MAST4: variants seen among roughly 807,000 people sequenced by gnomAD.
The protein encoded by MAST4 is microtubule-associated serine/threonine-protein kinase 4.
Under a neutral mutation model 162.7 loss-of-function variants are expected in MAST4, and 89 were observed. The ratio of observed to expected loss-of-function variants is 0.55; its 90% CI spans 0.46 to 0.65. MAST4 has a LOEUF of 0.65. MAST4 is among the 30% of genes least tolerant of loss of function. The pLI is 0.00. For synonymous variants in MAST4, 1,479 were observed against 1,361.1 expected (o/e 1.09, Z -1.91); for missense variants, 3,153 against 3,374.0 (o/e 0.93, Z 1.62).
intron 4 of MAST4, among the ~76,000 whole-genome samples, chr5:66,936,115 A>G (rs7722882): frequency 0.068 from 10,335 of 152,244 alleles, 406 homozygotes; most frequent in African/African-American, 0.099. Flanking sequence ...CTTCTTTGAC[A>G]GTTCCCCTAT....
intron 5 of MAST4, among the ~76,000 whole-genome samples, chr5:67,060,462 T>C (rs1175410460): frequency 6.7e-6 from 1 of 149,784 alleles, no homozygotes; most frequent in Non-Finnish European, 1.5e-5. Flanking sequence ...GAGATACTCC[T>C]GGGAGTATCA....
At chr5:66,829,997 A>G (rs912926688) in intron 3 of MAST4, among the ~76,000 whole-genome samples, 1 of 152,178 alleles carries the variant, frequency 6.6e-6, no homozygotes, top group Non-Finnish European at 1.5e-5. Flanking sequence ...TTTTGAATGC[A>G]CAGTGTGGTT....
At chr5:66,605,679 C>T (rs1742837243) in intron 1 of MAST4, among the ~76,000 whole-genome samples, 1 of 152,128 alleles carries the variant, frequency 6.6e-6, no homozygotes, top group South Asian at 2.1e-4. Flanking sequence ...GGGAGTGGGA[C>T]AGTCCCCAAA....
chr5:66,916,170 A>G (rs548906629), intron 4 of MAST4, among the ~76,000 whole-genome samples: 1 of 152,358 alleles, frequency 6.6e-6, no homozygotes, highest in African/African-American at 2.4e-5. Context: ...GTTTCTTTAA[A>G]AATAATTTTA....
chr5:66,748,430 T>TCCCC (rs1752909763), intron 1 of MAST4, among the ~76,000 whole-genome samples: 1 of 107,538 alleles, frequency 9.3e-6, no homozygotes, highest in Non-Finnish European at 1.9e-5. Flanking sequence ...CCTTCCTCCC[T>TCCCC]CCCTCCCTCC....
At chr5:66,666,370 A>G (rs1234108906) in intron 1 of MAST4, among the ~76,000 whole-genome samples, 1 of 152,190 alleles carries the variant, frequency 6.6e-6, no homozygotes, top group East Asian at 1.9e-4. Flanking sequence ...CCCATGTCAT[A>G]TCTGGTCATC....
At chr5:67,096,666 T>C (rs1260094946) in intron 7 of MAST4, among the ~76,000 whole-genome samples, 2 of 152,202 alleles carry the variant, frequency 1.3e-5, no homozygotes, top group Non-Finnish European at 2.9e-5. Flanking sequence ...ATTTCCAGAA[T>C]TCCAAGTATA....
At chr5:67,013,004 T>C (rs1442292247) in intron 4 of MAST4, among the ~76,000 whole-genome samples, 10 of 152,092 alleles carry the variant, frequency 6.6e-5, no homozygotes, top group African/African-American at 2.4e-4. Flanking sequence ...TAGGCAGTCA[T>C]TACTGTATAT....
intron 1 of MAST4, among the ~76,000 whole-genome samples, chr5:66,674,455 G>A (rs1403902788): frequency 6.6e-6 from 1 of 152,188 alleles, no homozygotes; most frequent in Non-Finnish European, 1.5e-5. Flanking sequence ...TACATTTCTT[G>A]TTTGTTTTTG....
chr5:66,783,057 T>C (rs955657537), intron 2 of MAST4, among the ~76,000 whole-genome samples: 1 of 152,212 alleles, frequency 6.6e-6, no homozygotes, highest in Non-Finnish European at 1.5e-5. Context: ...GAATAAAATA[T>C]CCCATGTGTT....
At chr5:67,075,871 AC>A in intron 5 of MAST4, among the ~76,000 whole-genome samples, 1 of 152,338 alleles carries the variant, frequency 6.6e-6, no homozygotes, top group African/African-American at 2.4e-5. Context: ...TTAATTAATA[AC>A]CAAATGTAGA....
At chr5:66,704,676 A>G (rs1315607094) in intron 1 of MAST4, among the ~76,000 whole-genome samples, 2 of 151,040 alleles carry the variant, frequency 1.3e-5, no homozygotes, top group Non-Finnish European at 3.0e-5. Context: ...AATTTTTTGT[A>G]TTTTTAGCAG....
intron 1 of MAST4, among the ~76,000 whole-genome samples, chr5:66,610,381 G>A (rs781643048): frequency 4.6e-5 from 7 of 152,190 alleles, no homozygotes; most frequent in Non-Finnish European, 1.0e-4. Flanking sequence ...GCCTACAACA[G>A]CCTAATTAGT....
chr5:66,817,631 A>AT (rs1450096394), intron 3 of MAST4, among the ~76,000 whole-genome samples: 1 of 152,228 alleles, frequency 6.6e-6, no homozygotes, highest in African/African-American at 2.4e-5. Flanking sequence ...ATCAGTTAAT[A>AT]TACCAAAATA....
At chr5:66,845,706 T>C (rs1027020431) in intron 3 of MAST4, among the ~76,000 whole-genome samples, 3 of 152,186 alleles carry the variant, frequency 2.0e-5, no homozygotes, top group Admixed American at 6.5e-5. Flanking sequence ...TTCACAATGG[T>C]TGAACTAGTT....
intron 1 of MAST4, among the ~76,000 whole-genome samples, chr5:66,713,853 C>T (rs1478671960): frequency 6.6e-6 from 1 of 151,962 alleles, no homozygotes; most frequent in African/African-American, 2.4e-5. Flanking sequence ...GACCAGATGG[C>T]GTCTTATTTT....
chr5:66,908,236 C>CT (rs1763515659), intron 4 of MAST4, among the ~76,000 whole-genome samples: 1 of 152,146 alleles, frequency 6.6e-6, no homozygotes, highest in Admixed American at 6.6e-5. Context: ...ATGCATTTGT[C>CT]TTCTGTGAAG....
chr5:66,981,907 T>A (rs1748892455), intron 4 of MAST4, among the ~76,000 whole-genome samples: 1 of 152,202 alleles, frequency 6.6e-6, no homozygotes, highest in Non-Finnish European at 1.5e-5. Context: ...AACTCTTGAT[T>A]CTCATAAAAA....
intron 3 of MAST4, chr5:66,828,720 T>G: frequency 7.0e-7 from 1 of 1,437,354 alleles, no homozygotes; most frequent in Non-Finnish European, 9.5e-7. Context: ...GACTCCGGGC[T>G]CCAATCAGCT....
Sources: allele counts gnomAD v4.1 joint callset (sites outside exome capture counted in the v4.1 genomes callset), GRCh38; gene constraint gnomAD v4.1.1; transcripts MANE v1.5; gene names NCBI Gene and HGNC (gene_info 2026-07-23, HGNC 2026-07-21).